The following ADAM22 variants were observed in gnomAD, a reference collection of about 807,000 sequenced individuals.
ADAM22 encodes disintegrin and metalloproteinase domain-containing protein 22.
Under a neutral mutation model 144.6 loss-of-function variants are expected in ADAM22, and 65 were observed. The observed-to-expected ratio is 0.45, with a 90% CI of 0.37 to 0.55. The LOEUF (loss-of-function observed/expected upper bound fraction) is 0.55, where lower values mean the gene tolerates loss of function less well. Ranked by LOEUF, ADAM22 falls within the 20% of genes least tolerant of loss-of-function variation. ADAM22 has a pLI of 0.00. For synonymous variants in ADAM22, 391 were observed against 412.6 expected (o/e 0.95, Z 0.63); for missense variants, 974 against 1,184.9 (o/e 0.82, Z 2.61).
intron 4 of ADAM22, among the ~76,000 whole-genome samples, chr7:88,093,520 T>C (rs1201999337): frequency 2.6e-5 from 4 of 152,056 alleles, no homozygotes; most frequent in African/African-American, 4.8e-5. Flanking sequence ...TGTTTTGTTT[T>C]GTTTCTTTTT....
At chr7:88,125,718 T>G in intron 8 of ADAM22, 59 bp downstream of exon 8, 1 of 1,370,198 alleles carries the variant, frequency 7.3e-7, no homozygotes, top group Non-Finnish European at 1.0e-6. Flanking sequence ...TGCCAGTCAT[T>G]TGAATCTACA....
chr7:88,053,596 GAAAGAAAGAAA>G (rs1563114102), intron 3 of ADAM22, among the ~76,000 whole-genome samples: 2,641 of 33,378 alleles, frequency 0.079, 115 homozygotes, highest in African/African-American at 0.2. Context: ...AGGAAGGAAA[GAAAGAAAGAAA>G]GAAAGAAAGA....
chr7:88,151,740 G>A (rs190120306), intron 20 of ADAM22, among the ~76,000 whole-genome samples: 2 of 152,108 alleles, frequency 1.3e-5, no homozygotes, highest in African/African-American at 4.8e-5. Context: ...TTTATCTAGA[G>A]TCATTTTTTT....
intron 3 of ADAM22, among the ~76,000 whole-genome samples, chr7:88,041,763 T>C (rs1424214384): frequency 6.6e-6 from 1 of 152,010 alleles, no homozygotes; most frequent in African/African-American, 2.4e-5. Context: ...TAATTGCTTC[T>C]GGTGAATAAT....
At chr7:88,011,164 A>G (rs1379736852) in intron 3 of ADAM22, among the ~76,000 whole-genome samples, 1 of 152,244 alleles carries the variant, frequency 6.6e-6, no homozygotes, top group East Asian at 1.9e-4. Context: ...AACTTTCAGA[A>G]GCAACACTGT....
chr7:88,129,675 C>T (rs376940210), intron 9 of ADAM22, among the ~76,000 whole-genome samples: 14 of 152,068 alleles, frequency 9.2e-5, no homozygotes, highest in African/African-American at 2.9e-4. Context: ...AGACATATAA[C>T]GTAAGTGAAA....
chr7:88,168,012 T>G (rs991302858), intron 24 of ADAM22, 125 bp from the exon 25 acceptor site: 6 of 761,712 alleles, frequency 7.9e-6, no homozygotes, highest in Non-Finnish European at 1.2e-5. Flanking sequence ...TTTTCTTTCC[T>G]TTGAAAAATA....
chr7:88,177,430 TG>T (rs1210303150), intron 26 of ADAM22, among the ~76,000 whole-genome samples: 4 of 152,158 alleles, frequency 2.6e-5, no homozygotes, highest in Non-Finnish European at 5.9e-5. Context: ...TTTTATATAC[TG>T]GGGAAAAGAA....
intron 3 of ADAM22, among the ~76,000 whole-genome samples, chr7:88,012,493 T>C (rs917206945): frequency 2.3e-4 from 35 of 152,192 alleles, no homozygotes; most frequent in African/African-American, 8.4e-4. Flanking sequence ...ATCTGGCTAG[T>C]TGTGCAGTTT....
chr7:87,940,142 A>G (rs1482782420), intron 2 of ADAM22, among the ~76,000 whole-genome samples: 1 of 147,436 alleles, frequency 6.8e-6, no homozygotes, highest in Non-Finnish European at 1.5e-5. Context: ...AGATGGTGCC[A>G]CTGCACTCCA....
chr7:88,035,451 G>T (rs1306851475), intron 3 of ADAM22, among the ~76,000 whole-genome samples: 1 of 152,192 alleles, frequency 6.6e-6, no homozygotes, highest in East Asian at 1.9e-4. Context: ...AGATAAGGTT[G>T]CTGGGCTGGT....
intron 2 of ADAM22, among the ~76,000 whole-genome samples, chr7:87,968,928 T>C (rs968125265): frequency 6.6e-6 from 1 of 152,070 alleles, no homozygotes; most frequent in Non-Finnish European, 1.5e-5. Context: ...TCTTACATGG[T>C]CAGAGCAGAA....
chr7:88,166,714 A>T (rs1445998280), intron 24 of ADAM22, among the ~76,000 whole-genome samples: 1 of 152,186 alleles, frequency 6.6e-6, no homozygotes, highest in Non-Finnish European at 1.5e-5. Flanking sequence ...TTATAAAGAA[A>T]ATCATAGGAT....
chr7:88,131,474 T>G, intron 11 of ADAM22, 39 bp downstream of exon 11: 3 of 1,595,446 alleles, frequency 1.9e-6, no homozygotes, highest in Non-Finnish European at 2.6e-6. Context: ...TTTTTTTGAT[T>G]CCATGTTAAA....
At chr7:88,096,764 A>G (rs1057233986) in intron 4 of ADAM22, among the ~76,000 whole-genome samples, 1 of 152,142 alleles carries the variant, frequency 6.6e-6, no homozygotes, top group African/African-American at 2.4e-5. Flanking sequence ...AAATCATGGA[A>G]CAAGAAGGGA....
At chr7:88,190,344 G>C (rs924822491) in intron 30 of ADAM22, among the ~76,000 whole-genome samples, 2 of 152,092 alleles carry the variant, frequency 1.3e-5, no homozygotes, top group Non-Finnish European at 2.9e-5. Flanking sequence ...AGACCAGCCT[G>C]GCCATCATGG....
chr7:88,039,449 C>CAAGAAAAAAAAAAAA (rs1802432605), intron 3 of ADAM22, among the ~76,000 whole-genome samples: 1 of 58,620 alleles, frequency 1.7e-5, no homozygotes, highest in Non-Finnish European at 3.8e-5. Context: ...GATTCTGTCT[C>CAAGAAAAAAAAAAAA]AAAAAAAAAA....
intron 3 of ADAM22, among the ~76,000 whole-genome samples, chr7:88,016,727 A>T (rs905762638): frequency 6.6e-6 from 1 of 152,298 alleles, no homozygotes; most frequent in South Asian, 2.1e-4. Flanking sequence ...AGCTAAAAAA[A>T]GTTGAGCTCA....
intron 3 of ADAM22, among the ~76,000 whole-genome samples, chr7:88,069,186 CT>C (rs1321782919): frequency 6.6e-6 from 1 of 151,856 alleles, no homozygotes; most frequent in Non-Finnish European, 1.5e-5. Context: ...TCCCTCTCTT[CT>C]CCCTGTCTCC....
Sources: allele counts gnomAD v4.1 joint callset (sites outside exome capture counted in the v4.1 genomes callset), GRCh38; gene constraint gnomAD v4.1.1; transcripts MANE v1.5; gene names NCBI Gene and HGNC (gene_info 2026-07-23, HGNC 2026-07-21).